Variants in TMEM108 observed in about 807,000 individuals in gnomAD.
TMEM108 encodes the protein transmembrane protein 108, also known as cancer/testis antigen 124.
TMEM108 carries 12 observed loss-of-function variants against 35.1 expected under a neutral mutation model. The observed-to-expected ratio is 0.34, with a 90% CI of 0.22 to 0.55. The LOEUF (loss-of-function observed/expected upper bound fraction) is 0.55, where lower values mean the gene tolerates loss of function less well. Among genes scored for constraint, TMEM108 ranks in the 20% least tolerant of loss-of-function variants. TMEM108 has a pLI of 0.89. For synonymous variants in TMEM108, 287 were observed against 308.6 expected (o/e 0.93, Z 0.73); for missense variants, 680 against 753.3 (o/e 0.90, Z 1.14).
At chr3:133,362,334 A>AC (rs1182377572) in intron 3 of TMEM108, among the ~76,000 whole-genome samples, 1 of 152,092 alleles carries the variant, frequency 6.6e-6, no homozygotes, top group Non-Finnish European at 1.5e-5. Context: ...TTTGTTCTGA[A>AC]CCTGCAGCCT....
intron 3 of TMEM108, chr3:133,246,382 G>A (rs981670883): frequency 6.6e-6 from 1 of 152,078 alleles, no homozygotes; most frequent in Non-Finnish European, 1.5e-5. Flanking sequence ...ACTGTGCCTT[G>A]AGTCCAGCAG....
chr3:133,124,894 C>T (rs541883351), intron 2 of TMEM108: 10 of 152,262 alleles, frequency 6.6e-5, no homozygotes, highest in East Asian at 1.9e-4. Flanking sequence ...GGCAGTAGAG[C>T]GGAGGCAAGC....
chr3:133,148,928 C>T (rs1395987340), intron 2 of TMEM108, among the ~76,000 whole-genome samples: 2 of 152,148 alleles, frequency 1.3e-5, no homozygotes, highest in Non-Finnish European at 2.9e-5. Context: ...CCCTGGGAGG[C>T]TGAGGCTGCA....
intron 3 of TMEM108, among the ~76,000 whole-genome samples, chr3:133,304,294 A>G (rs888484982): frequency 1.3e-5 from 2 of 152,202 alleles, no homozygotes. Context: ...GAGAAGTCTC[A>G]TATATTGCAT....
At chr3:133,338,677 G>T (rs918341746) in intron 3 of TMEM108, among the ~76,000 whole-genome samples, 2 of 152,066 alleles carry the variant, frequency 1.3e-5, no homozygotes, top group Non-Finnish European at 1.5e-5. Context: ...TATAACTGTG[G>T]TGTGTAAACT....
chr3:133,360,890 A>G (rs1019002765), intron 3 of TMEM108, among the ~76,000 whole-genome samples: 17 of 152,204 alleles, frequency 1.1e-4, no homozygotes, highest in African/African-American at 3.6e-4. Flanking sequence ...GACTCTTAGA[A>G]CACATTTCCT....
chr3:133,080,880 G>A (rs1045687815), intron 2 of TMEM108, among the ~76,000 whole-genome samples: 1 of 151,858 alleles, frequency 6.6e-6, no homozygotes, highest in African/African-American at 2.4e-5. Flanking sequence ...ACACAAGTAG[G>A]GTCTCTTCAC....
intron 2 of TMEM108, among the ~76,000 whole-genome samples, chr3:133,158,265 C>G (rs544735590): frequency 1.3e-5 from 2 of 151,644 alleles, no homozygotes; most frequent in Non-Finnish European, 2.9e-5. Flanking sequence ...GTCAAGAAAT[C>G]GAGACCATCC....
At chr3:133,061,594 A>G (rs1387956035) in intron 2 of TMEM108, among the ~76,000 whole-genome samples, 2 of 152,224 alleles carry the variant, frequency 1.3e-5, no homozygotes, top group African/African-American at 4.8e-5. Context: ...GCATCGTCTA[A>G]TTAAGTCAGA....
chr3:133,279,883 A>C (rs1190620423), intron 3 of TMEM108, among the ~76,000 whole-genome samples: 1 of 152,230 alleles, frequency 6.6e-6, no homozygotes. Flanking sequence ...TACAAAAAGG[A>C]AACTGCAAAG....
chr3:133,309,172 AT>A (rs2071087945), intron 3 of TMEM108, among the ~76,000 whole-genome samples: 1 of 151,994 alleles, frequency 6.6e-6, no homozygotes, highest in East Asian at 1.9e-4. Context: ...GTATTCTCTG[AT>A]GGTAGTTTGT....
At chr3:133,326,362 G>A (rs966823778) in intron 3 of TMEM108, among the ~76,000 whole-genome samples, 5 of 152,116 alleles carry the variant, frequency 3.3e-5, no homozygotes, top group African/African-American at 4.8e-5. Flanking sequence ...CCCCAAGGAC[G>A]TGTCACCCAA....
chr3:133,137,532 G>A lies in TMEM108; in HGVS notation c.-47+91512G>A, dbSNP rs546093169. Among the ~76,000 whole-genome samples, 41 of 152,238 alleles carry A rather than the reference G, an allele frequency of 2.7e-4. 1 individual carries two copies. The South Asian group carries it at 5.8e-3, about 22-fold the overall frequency. On this transcript the variant is annotated intron_variant, in intron 2 of 5. Transcript: ENST00000321871. ...AAACATCTGAAGGGGCTCACTCCACGGTGCAGCAGCCAGCCCTACTTCATT... is the reference window on the plus strand; with the variant it reads ...AAACATCTGAAGGGGCTCACTCCACAGTGCAGCAGCCAGCCCTACTTCATT...
intron 3 of TMEM108, among the ~76,000 whole-genome samples, chr3:133,377,659 G>A (rs561885020): frequency 4.6e-5 from 7 of 152,356 alleles, no homozygotes; most frequent in African/African-American, 1.7e-4. Flanking sequence ...TTTTAGGATT[G>A]ACTCGAATAC....
At chr3:133,044,896 G>A (rs1160349428) in intron 1 of TMEM108, among the ~76,000 whole-genome samples, 2 of 152,106 alleles carry the variant, frequency 1.3e-5, no homozygotes, top group Non-Finnish European at 2.9e-5. Context: ...GTTTTAGGCT[G>A]CAGTGAGCTG....
intron 2 of TMEM108, among the ~76,000 whole-genome samples, chr3:133,204,926 G>GT (rs1241412469): frequency 6.6e-6 from 1 of 152,102 alleles, no homozygotes; most frequent in Non-Finnish European, 1.5e-5. Context: ...CTATTATTTT[G>GT]TGGGAGTCTA....
chr3:133,336,021 T>A (rs2071491601), intron 3 of TMEM108, among the ~76,000 whole-genome samples: 1 of 152,160 alleles, frequency 6.6e-6, no homozygotes, highest in Non-Finnish European at 1.5e-5. Flanking sequence ...AAACCAGCCC[T>A]AGCCAGAGAG....
intron 2 of TMEM108, among the ~76,000 whole-genome samples, chr3:133,184,566 G>C (rs181577736): frequency 5.3e-5 from 8 of 152,278 alleles, no homozygotes; most frequent in Middle Eastern, 3.4e-3. Flanking sequence ...TGTTGTTAAA[G>C]AAAACTTGCC....
chr3:133,144,895 A>T (rs1190025489), intron 2 of TMEM108, among the ~76,000 whole-genome samples: 1 of 151,792 alleles, frequency 6.6e-6, no homozygotes, highest in East Asian at 1.9e-4. Flanking sequence ...GATTGCAAAA[A>T]TTTTCTCCCA....
Sources: allele counts gnomAD v4.1 joint callset (sites outside exome capture counted in the v4.1 genomes callset), GRCh38; gene constraint gnomAD v4.1.1; transcripts MANE v1.5; gene names NCBI Gene and HGNC (gene_info 2026-07-23, HGNC 2026-07-21).